The following TECR variants were observed in gnomAD, a reference collection of about 807,000 sequenced individuals.
TECR encodes very-long-chain enoyl-CoA reductase.
In TECR, 19 loss-of-function variants were observed where a neutral mutation model predicts 50.6. The observed-to-expected ratio is 0.38, with a 90% CI of 0.26 to 0.55. TECR has a LOEUF of 0.55. Ranked by LOEUF, TECR falls within the 20% of genes least tolerant of loss-of-function variation. TECR has a pLI of 0.79. For missense variants in TECR, 313 were observed against 408.3 expected (o/e 0.77, Z 2.01); for synonymous variants, 168 against 163.5 (o/e 1.03, Z -0.21).
At chr19:14,544,380 C>T (rs1350683302) in intron 1 of TECR, among the ~76,000 whole-genome samples, 1 of 152,020 alleles carries the variant, frequency 6.6e-6, no homozygotes, top group African/African-American at 2.4e-5. Flanking sequence ...TGATAGAGGC[C>T]ACTGTCTTAC....
At chr19:14,541,397 G>A (rs1243828361) in intron 1 of TECR, among the ~76,000 whole-genome samples, 2 of 152,130 alleles carry the variant, frequency 1.3e-5, no homozygotes, top group Non-Finnish European at 2.9e-5. Flanking sequence ...GGAAGCTGCC[G>A]AGACAACACT....
At chr19:14,538,460 A>C (rs551498104) in intron 1 of TECR, among the ~76,000 whole-genome samples, 4 of 152,214 alleles carry the variant, frequency 2.6e-5, no homozygotes, top group Non-Finnish European at 4.4e-5. Flanking sequence ...AGGTAAGGAC[A>C]GATCAGCATC....
rs1393942884 is a variant in TECR, at chr19:14,563,920, C to T, written c.267+17C>T. On this transcript the variant is annotated intron_variant, in intron 5 of 12. Coordinates refer to ENST00000215567, the MANE Select transcript of TECR (RefSeq NM_138501.6). The surrounding 1 kb of genome is among the most constrained non-coding windows in gnomAD (Gnocchi z 5.3). Reference sequence around the variant, plus strand: ...TGGGTGACGGTGAGTCCTGACCCTACCCACGGCCTCTTTTCCCGTCAGCCA... The same window carrying T: ...TGGGTGACGGTGAGTCCTGACCCTATCCACGGCCTCTTTTCCCGTCAGCCA... 1 of 1,613,984 alleles carries T rather than the reference C, an allele frequency of 6.2e-7. No homozygotes were observed. The highest frequency in any genetic ancestry group is 1.7e-5 in the Admixed American group (1 of 60,020).
chr19:14,565,360 T>A (rs12976927), intron 11 of TECR, 70 bp downstream of exon 11: 881,119 of 1,583,360 alleles, frequency 0.56, 249,043 homozygotes, highest in African/African-American at 0.77. Context: ...GCCCCTAGGA[T>A]GGGGCGCCTG....
At chr19:14,543,416 TATA>T (rs1288137385) in intron 1 of TECR, among the ~76,000 whole-genome samples, 19 of 9,192 alleles carry the variant, frequency 2.1e-3, no homozygotes, top group South Asian at 6.8e-3. Context: ...TATATATATA[TATA>T]TTTTTTTTTT....
intron 1 of TECR, among the ~76,000 whole-genome samples, chr19:14,540,226 A>ATTTATTT (rs759692735): frequency 6.6e-6 from 1 of 151,242 alleles, no homozygotes; most frequent in Non-Finnish European, 1.5e-5. Flanking sequence ...CGCCTGGCTA[A>ATTTATTT]TTTATTTTTT....
chr19:14,546,975 A>G (rs190183404), intron 1 of TECR, among the ~76,000 whole-genome samples: 49 of 152,292 alleles, frequency 3.2e-4, no homozygotes, highest in Non-Finnish European at 5.7e-4. Context: ...GATTACAGGC[A>G]TGAGCCACTG....
chr19:14,546,311 G>A (rs138184877), intron 1 of TECR, among the ~76,000 whole-genome samples: 1 of 152,244 alleles, frequency 6.6e-6, no homozygotes, highest in African/African-American at 2.4e-5. Context: ...CCTAGGCCAG[G>A]TGTAGTGGCT....
chr19:14,564,527 C>G (rs2074010181), intron 7 of TECR, among the ~76,000 whole-genome samples: 1 of 118,472 alleles, frequency 8.4e-6, no homozygotes, highest in Admixed American at 8.5e-5. Context: ...AGTCCCACCC[C>G]TAGGCACCGC....
chr19:14,564,870 C>G lies in TECR; in HGVS notation c.562+12C>G. The G allele has an allele frequency of 6.2e-7, 1 of 1,614,016 alleles. No homozygotes were observed. Among genetic ancestry groups the G allele is most frequent in the Non-Finnish European group, 8.5e-7 (1 of 1,180,020 alleles). ...CTACACTCCCCCTAGTAAGTGGCCT[C>G]AGACCATCCTTCCCTCCCCCACGGT... On this transcript the variant is annotated intron_variant, in intron 8 of 12. Transcript: ENST00000215567.
intron 1 of TECR, among the ~76,000 whole-genome samples, chr19:14,541,466 A>G (rs11671204): frequency 0.35 from 53,756 of 152,196 alleles, 9,893 homozygotes; most frequent in Non-Finnish European, 0.42. Context: ...TTCCCGTCAT[A>G]GGACCCTGCC....
Position 14,563,872 on chromosome 19 carries a change from G to A in TECR, c.236G>A (p.Arg79Gln). The A allele has an allele frequency of 1.2e-6, 2 of 1,614,030 alleles. No individual in the cohort carries two copies. The highest frequency in any genetic ancestry group is 1.7e-6 in the Non-Finnish European group (2 of 1,179,950). ...GGCACCACGGCCACACTGTACTTCC[G>A]GGACCTGGGGGCCCAGATCAGCTGG... The part of the protein sequence containing the change: ...PVGTTATLYF[R>Q]DLGAQISWVT... The change falls in exon 5 of 13, where the codon CGG becomes CAG. Residue 79 changes from arginine (R) to glutamine (Q), a missense_variant. By Grantham distance (43) the Arg-to-Gln change is conservative. Transcript: ENST00000215567. The surrounding 1 kb of genome is among the most constrained non-coding windows in gnomAD (Gnocchi z 5.3).
At chr19:14,529,761 T>C in intron 1 of TECR, 50 bp downstream of exon 1, 2 of 1,613,620 alleles carry the variant, frequency 1.2e-6, no homozygotes, top group Non-Finnish European at 1.7e-6. Context: ...CCCATTCTTT[T>C]TCCTTCTTTG....
At chr19:14,556,713 G>A (rs2073738639) in intron 1 of TECR, among the ~76,000 whole-genome samples, 1 of 152,176 alleles carries the variant, frequency 6.6e-6, no homozygotes, top group African/African-American at 2.4e-5. Flanking sequence ...CCAGGGTTAA[G>A]GTCCCATTCT....
upstream of TECR, chr19:14,529,157 C>G (rs1397951532): frequency 5.2e-6 from 1 of 193,590 alleles, no homozygotes; most frequent in Non-Finnish European, 1.1e-5. Context: ...AGCCCGCGAC[C>G]CCAGCCCCTA....
At chr19:14,544,718 C>T (rs905525859) in intron 1 of TECR, among the ~76,000 whole-genome samples, 1 of 151,464 alleles carries the variant, frequency 6.6e-6, no homozygotes, top group African/African-American at 2.4e-5. Flanking sequence ...CCTGCAACTC[C>T]AACTCCTGGG....
At chr19:14,544,185 C>T (rs1167163346) in intron 1 of TECR, among the ~76,000 whole-genome samples, 3 of 151,854 alleles carry the variant, frequency 2.0e-5, no homozygotes, top group East Asian at 1.9e-4. Flanking sequence ...AAAATACCTC[C>T]GAGAAGCCTC....
At position 14,563,059 on chromosome 19, in the gene TECR, T is replaced by A; in HGVS notation, c.67-147T>A. On this transcript the variant is annotated intron_variant, in intron 2 of 12. Transcript: ENST00000215567. This position sits in a 1 kb window ranked among gnomAD's most constrained non-coding sequence, Gnocchi z 5.3. ...GGCAGGGCCCTCGGTGGTCCTTCCCTGACTGCAGGCAGAGGCCTGGACCCC... is the reference window on the plus strand; with the variant it reads ...GGCAGGGCCCTCGGTGGTCCTTCCCAGACTGCAGGCAGAGGCCTGGACCCC... The A allele has an allele frequency of 9.9e-7, 1 of 1,010,108 alleles. No individual in the cohort carries two copies. The highest frequency in any genetic ancestry group is 1.5e-6 in the Non-Finnish European group (1 of 677,098). The allele number at this position is 1,010,108 out of a possible 1,614,324, so 62.6% of individuals were successfully genotyped here. A position where few individuals can be genotyped will look rare whatever the true frequency, so the allele number is the denominator to read the frequency against.
At chr19:14,537,807 C>T (rs962217585) in intron 1 of TECR, among the ~76,000 whole-genome samples, 8 of 140,054 alleles carry the variant, frequency 5.7e-5, no homozygotes, top group Non-Finnish European at 1.2e-4. Context: ...GGTGCAATGG[C>T]GTGATCTCGG....
Sources: gnomAD v4.1 joint callset for allele counts (sites outside exome capture counted in the v4.1 genomes callset) on GRCh38, gnomAD v4.1.1 for gene constraint, Gnocchi (gnomAD v3.1) non-coding constraint, MANE v1.5 for transcripts, NCBI Gene and HGNC (gene_info 2026-07-23, HGNC 2026-07-21) for gene names.